The following TARBP1 variants were observed in gnomAD, a reference collection of about 807,000 sequenced individuals.
TARBP1 encodes the protein tRNA guanosine 2 -O-methyltransferase TARBP1, also known as tRNA (guanosine(18)-2'-O)-methyltransferase TARBP1.
TARBP1 carries 144 observed loss-of-function variants against 178.6 expected under a neutral mutation model. That is an observed-to-expected ratio of 0.81 (90% CI 0.70 to 0.93). TARBP1 has a LOEUF of 0.93. TARBP1 is among the 40% of genes least tolerant of loss of function. TARBP1 has a pLI of 0.00. For synonymous variants in TARBP1, 787 were observed against 781.0 expected, an observed-to-expected ratio of 1.01 and a Z score of -0.13; for missense variants, 2,067 against 2,011.7, an observed-to-expected ratio of 1.03 and a Z score of -0.53.
chr1:234,410,403 C>CT (rs1661680459), intron 23 of TARBP1, 42 bp downstream of exon 23: 2 of 1,224,190 alleles, frequency 1.6e-6, no homozygotes, highest in South Asian at 1.3e-5. Context: ...ACATACAATT[C>CT]TTTTTTTACA....
intron 24 of TARBP1, among the ~76,000 whole-genome samples, chr1:234,403,513 A>T (rs1354567530): frequency 2.0e-5 from 3 of 152,180 alleles, no homozygotes; most frequent in African/African-American, 4.8e-5. Flanking sequence ...ACTTTAAAAA[A>T]TTGCTCTGAT....
intron 26 of TARBP1, among the ~76,000 whole-genome samples, chr1:234,397,999 T>C (rs1660307429): frequency 6.6e-6 from 1 of 151,654 alleles, no homozygotes; most frequent in Admixed American, 6.6e-5. Context: ...GCTTTATTCC[T>C]ATGAAGGACA....
At chr1:234,413,398 C>T (rs757582028) in intron 22 of TARBP1, among the ~76,000 whole-genome samples, 13 of 152,294 alleles carry the variant, frequency 8.5e-5, no homozygotes, top group Middle Eastern at 3.4e-3. Flanking sequence ...CGCTTGAACC[C>T]GGGAGGCAGA....
At chr1:234,417,838 T>C (rs1378695065) in intron 22 of TARBP1, among the ~76,000 whole-genome samples, 2 of 152,236 alleles carry the variant, frequency 1.3e-5, no homozygotes, top group Non-Finnish European at 2.9e-5. Context: ...TACTTCTTAA[T>C]GACAAATGCC....
At chr1:234,409,056 A>G (rs1661545028) in intron 23 of TARBP1, among the ~76,000 whole-genome samples, 1 of 152,210 alleles carries the variant, frequency 6.6e-6, no homozygotes, top group Admixed American at 6.5e-5. Context: ...AAGAAATCAA[A>G]CCTACATTTA....
intron 24 of TARBP1, 64 bp downstream of exon 24, chr1:234,405,839 G>A (rs546389413): frequency 3.4e-6 from 5 of 1,470,714 alleles, no homozygotes; most frequent in African/African-American, 1.4e-5. Context: ...TATGGGCACT[G>A]CCCCCTCCCT....
In TARBP1 at chr1:234,430,167, G is replaced by C. The variant is rs1466167395; in HGVS notation, c.2529C>G (p.Ser843=). Residue 843 remains serine, a synonymous_variant, in exon 15 of 30, where the codon TCC becomes TCG. Transcript: ENST00000040877. The stretch of plus-strand genomic sequence containing the variant: ...GCAGCGTCTGATTGAGCTGAAGAGA[G>C]GAAAGGAAGCTTTCCAGGGGCCCAG... The part of the protein sequence containing the change: ...LHAGPLESFL[S]SLQLNQTLQK... 2 of 1,614,220 alleles carry C rather than the reference G, an allele frequency of 1.2e-6. No individual in the cohort carries two copies. Among genetic ancestry groups the C allele is most frequent in the African/African-American group, 1.3e-5 (1 of 75,064 alleles).
intron 12 of TARBP1, among the ~76,000 whole-genome samples, chr1:234,442,168 A>T (rs933556777): frequency 5.3e-5 from 8 of 152,176 alleles, no homozygotes; most frequent in Admixed American, 5.2e-4. Flanking sequence ...ATCCTGTACG[A>T]CCTGGGGCTA....
intron 9 of TARBP1, among the ~76,000 whole-genome samples, chr1:234,450,797 GATAT>G (rs747150168): frequency 2.7e-5 from 4 of 150,150 alleles, no homozygotes; most frequent in African/African-American, 9.8e-5. Context: ...ATATATGTGA[GATAT>G]ATATATATAT....
chr1:234,470,229 T>C (rs1253495207), intron 3 of TARBP1, among the ~76,000 whole-genome samples: 2 of 152,006 alleles, frequency 1.3e-5, no homozygotes, highest in African/African-American at 4.8e-5. Flanking sequence ...ATCATCCCAC[T>C]GCACTCCAGC....
In TARBP1 at chr1:234,420,712, C is replaced by T; in HGVS notation, c.3545G>A (p.Arg1182Lys). The T allele has an allele frequency of 6.2e-7, 1 of 1,606,538 alleles. No homozygotes were observed. Among genetic ancestry groups the T allele is most frequent in the Non-Finnish European group, 8.5e-7 (1 of 1,175,558 alleles). Reference sequence around the variant, plus strand: ...ATAAAAATATGATACCTGGTCAAGTCTAGGGAAAAGTACCAGCAGAGTCTG... The same window carrying T: ...ATAAAAATATGATACCTGGTCAAGTTTAGGGAAAAGTACCAGCAGAGTCTG... ...VWQTLLVLFP[R>K]LDQNFLNGII... is the part of the protein sequence containing the mutation. Residue 1182 changes from arginine (R) to lysine (K), a missense_variant, in exon 21 of 30, where the codon AGA becomes AAA. By Grantham distance (26) the Arg-to-Lys change is conservative. Coordinates refer to ENST00000040877, the MANE Select transcript of TARBP1 (RefSeq NM_005646.4).
chr1:234,475,655 G>T (rs1396490895), intron 1 of TARBP1, among the ~76,000 whole-genome samples: 2 of 152,234 alleles, frequency 1.3e-5, no homozygotes, highest in African/African-American at 4.8e-5. Flanking sequence ...CAGGAATGCT[G>T]ACGCTCAGAC....
chr1:234,449,629 A>G (rs1666536200), intron 10 of TARBP1, among the ~76,000 whole-genome samples: 1 of 152,228 alleles, frequency 6.6e-6, no homozygotes, highest in South Asian at 2.1e-4. Context: ...TAAAAATACA[A>G]AAGAGAAATG....
chr1:234,476,970 G>A (rs1042434767), intron 1 of TARBP1, among the ~76,000 whole-genome samples: 18 of 152,232 alleles, frequency 1.2e-4, no homozygotes, highest in African/African-American at 3.1e-4. Flanking sequence ...CAGATCACCT[G>A]AGGTGAGGAG....
intron 10 of TARBP1, among the ~76,000 whole-genome samples, chr1:234,449,363 T>C (rs1666508364): frequency 6.6e-6 from 1 of 152,178 alleles, no homozygotes; most frequent in Admixed American, 6.5e-5. Flanking sequence ...GGAAAAGATA[T>C]TGTAGATGAA....
In TARBP1 at chr1:234,391,544, G is replaced by C. The variant is rs916594644; in HGVS notation, c.*33C>G. The C allele has an allele frequency of 1.3e-6, 2 of 1,555,400 alleles. No homozygotes were observed. The highest frequency in any genetic ancestry group is 2.7e-5 in the African/African-American group (2 of 72,864). Reference sequence around the variant, plus strand: ...CAAATAGTTTTTTTTAAAAAAGTCTGAACAGCAGCAGCAGTTCACTAAGGA... The same window carrying C: ...CAAATAGTTTTTTTTAAAAAAGTCTCAACAGCAGCAGCAGTTCACTAAGGA... On this transcript the variant is annotated 3_prime_UTR_variant, in exon 30 of 30. Coordinates refer to ENST00000040877, the MANE Select transcript of TARBP1 (RefSeq NM_005646.4).
At chr1:234,474,857 T>G (rs1371453845) in intron 1 of TARBP1, among the ~76,000 whole-genome samples, 4 of 152,150 alleles carry the variant, frequency 2.6e-5, no homozygotes. Context: ...CTGAAAAATC[T>G]ACAAAATCCT....
chr1:234,467,371 G>T, intron 4 of TARBP1, 131 bp downstream of exon 4: 1 of 916,448 alleles, frequency 1.1e-6, no homozygotes, highest in Non-Finnish European at 1.5e-6. Flanking sequence ...AAATAGGAAA[G>T]CTGGGTTTAG....
intron 1 of TARBP1, among the ~76,000 whole-genome samples, chr1:234,474,814 A>G (rs944551287): frequency 3.9e-5 from 6 of 152,230 alleles, no homozygotes; most frequent in Non-Finnish European, 8.8e-5. Context: ...AGAAAACCAT[A>G]GGAGATCGTT....
Sources: allele counts gnomAD v4.1 joint callset (sites outside exome capture counted in the v4.1 genomes callset), GRCh38; gene constraint gnomAD v4.1.1; transcripts MANE v1.5; gene names NCBI Gene and HGNC (gene_info 2026-07-23, HGNC 2026-07-21).